Variants in FER observed in about 807,000 individuals in gnomAD.
FER encodes FER tyrosine kinase.
FER carries 63 observed loss-of-function variants against 111.0 expected under a neutral mutation model. That is an observed-to-expected ratio of 0.57 (90% CI 0.46 to 0.70). FER has a LOEUF of 0.70. Among genes scored for constraint, FER ranks in the 30% least tolerant of loss-of-function variants. The probability of loss-of-function intolerance (pLI) is 0.00; values close to 1 mark genes in which losing one functional copy is unlikely to be tolerated. For synonymous variants in FER, 327 were observed against 313.9 expected, an observed-to-expected ratio of 1.04 and a Z score of -0.44; for missense variants, 914 against 954.0, an observed-to-expected ratio of 0.96 and a Z score of 0.55.
At chr5:109,156,303 T>G (rs1050853703) in intron 17 of FER, among the ~76,000 whole-genome samples, 1 of 151,994 alleles carries the variant, frequency 6.6e-6, no homozygotes, top group African/African-American at 2.4e-5. Flanking sequence ...GGTTTTTCAT[T>G]AATAGAATGT....
chr5:109,006,823 T>TG (rs1203491760), intron 13 of FER, among the ~76,000 whole-genome samples: 2 of 151,830 alleles, frequency 1.3e-5, no homozygotes, highest in Non-Finnish European at 2.9e-5. Context: ...GCTCATATGG[T>TG]GGGGGGAAAA....
At chr5:108,772,306 A>G (rs1014150022) in intron 2 of FER, among the ~76,000 whole-genome samples, 2 of 145,490 alleles carry the variant, frequency 1.4e-5, no homozygotes, top group African/African-American at 5.3e-5. Flanking sequence ...CTGTTATGCC[A>G]TATATATATG....
chr5:108,795,167 A>AT (rs957582979), intron 2 of FER, among the ~76,000 whole-genome samples: 24 of 152,272 alleles, frequency 1.6e-4, no homozygotes, highest in Admixed American at 1.5e-3. Flanking sequence ...TTACAAAAAA[A>AT]TTTTAAAATT....
chr5:108,996,144 G>A (rs1369908172), intron 13 of FER, among the ~76,000 whole-genome samples: 1 of 151,936 alleles, frequency 6.6e-6, no homozygotes, highest in African/African-American at 2.4e-5. Flanking sequence ...TTAATTCATT[G>A]TAGATTCTGG....
intron 2 of FER, among the ~76,000 whole-genome samples, chr5:108,779,762 G>T (rs183936572): frequency 6.6e-6 from 1 of 151,972 alleles, no homozygotes. Context: ...TATTTTTTCC[G>T]ATCAGTACAC....
intron 5 of FER, among the ~76,000 whole-genome samples, chr5:108,866,994 A>T (rs1318036247): frequency 2.6e-5 from 4 of 152,032 alleles, no homozygotes; most frequent in East Asian, 1.9e-4. Flanking sequence ...TCTCTGCTTG[A>T]TTTTCAAGTC....
intron 10 of FER, among the ~76,000 whole-genome samples, chr5:108,919,239 G>GATCTTGTAAT (rs1207376082): frequency 6.6e-6 from 1 of 150,584 alleles, no homozygotes; most frequent in Non-Finnish European, 1.5e-5. Context: ...ATCAGAGTTG[G>GATCTTGTAAT]ATCTTGTAAT....
chr5:108,852,831 T>A (rs1389922940), intron 5 of FER, among the ~76,000 whole-genome samples: 1 of 152,196 alleles, frequency 6.6e-6, no homozygotes, highest in East Asian at 1.9e-4. Context: ...TTAGCTTTAA[T>A]TTGCATTGGT....
chr5:108,790,599 T>C (rs1262801436), intron 2 of FER, among the ~76,000 whole-genome samples: 2 of 152,276 alleles, frequency 1.3e-5, no homozygotes, highest in African/African-American at 4.8e-5. Context: ...AAGCTTATGC[T>C]AACTGATCTT....
In FER at chr5:109,190,705, GAGGTCTCCAGTGAA is replaced by G. The variant is rs1454053505; in HGVS notation, c.*3138_*3151del. 3 of 152,162 alleles carry G rather than the reference GAGGTCTCCAGTGAA, an allele frequency of 2.0e-5. No homozygotes were observed. Among genetic ancestry groups the G allele is most frequent in the South Asian group, 2.1e-4 (1 of 4,832 alleles). 9.4% of individuals were successfully genotyped at this position (152,162 alleles called of 1,614,324 possible). The stretch of plus-strand genomic sequence containing the variant: ...TGTCCTGCCATGAGGTCTCCAGTGA[GAGGTCTCCAGTGAA>G]AGGTCTCATGTAATTGTTTCTCTTT... On this transcript the variant is annotated 3_prime_UTR_variant, in exon 20 of 20. Transcript: ENST00000281092.
At chr5:108,810,124 T>G (rs367755228) in intron 3 of FER, among the ~76,000 whole-genome samples, 2 of 152,332 alleles carry the variant, frequency 1.3e-5, no homozygotes, top group African/African-American at 4.8e-5. Context: ...TCCTTTCCCC[T>G]CCTTCCTAGG....
At chr5:108,787,623 A>G (rs979566064) in intron 2 of FER, among the ~76,000 whole-genome samples, 8 of 152,194 alleles carry the variant, frequency 5.3e-5, no homozygotes, top group African/African-American at 9.7e-5. Context: ...CAGTTCCCTG[A>G]TTCTGAGCAC....
intron 17 of FER, among the ~76,000 whole-genome samples, chr5:109,154,337 T>TTA (rs1234209901): frequency 4.6e-5 from 7 of 152,086 alleles, no homozygotes; most frequent in African/African-American, 1.7e-4. Context: ...TTTGAGAACA[T>TTA]TAAATGGAAG....
At chr5:109,013,491 T>G (rs1766597259) in intron 13 of FER, among the ~76,000 whole-genome samples, 1 of 151,460 alleles carries the variant, frequency 6.6e-6, no homozygotes, top group Non-Finnish European at 1.5e-5. Context: ...GTTGGACATT[T>G]GGGTTGGTTC....
rs149756712 is a variant in FER at position 109,185,501 on chromosome 5, C to T, written c.2204-699C>T. Among the ~76,000 whole-genome samples the T allele has an allele frequency of 5.3e-5, 8 of 152,158 alleles. No individual in the cohort carries two copies. The East Asian group carries it at 1.4e-3, about 26-fold the overall frequency. On this transcript the variant is annotated intron_variant, in intron 18 of 19. Transcript: ENST00000281092. ...AAACGAAGTAGGCGTAAGACAAAAT[C>T]GCAGGAATCCAACTTGGTTAATCTC...
intron 13 of FER, among the ~76,000 whole-genome samples, chr5:108,984,335 A>G (rs996945125): frequency 1.3e-5 from 2 of 152,138 alleles, no homozygotes; most frequent in African/African-American, 4.8e-5. Context: ...AGTCAAGTTA[A>G]TAATAGCTCA....
chr5:109,044,501 C>G (rs972093775), intron 14 of FER, among the ~76,000 whole-genome samples, 179 bp from the exon 15 acceptor site: 1 of 152,046 alleles, frequency 6.6e-6, no homozygotes, highest in African/African-American at 2.4e-5. Flanking sequence ...TTTTATACCA[C>G]AATATGTCCT....
intron 10 of FER, among the ~76,000 whole-genome samples, chr5:108,899,313 A>C (rs1220325901): frequency 6.6e-6 from 1 of 152,160 alleles, no homozygotes; most frequent in Non-Finnish European, 1.5e-5. Flanking sequence ...CAGCACATGT[A>C]CCAAGGACCC....
intron 16 of FER, among the ~76,000 whole-genome samples, chr5:109,089,047 G>A (rs2150038665): frequency 6.6e-6 from 1 of 152,288 alleles, no homozygotes; most frequent in East Asian, 1.9e-4. Flanking sequence ...CCTAAAGAGT[G>A]AAAATGGCAG....
Sources: allele counts gnomAD v4.1 joint callset (sites outside exome capture counted in the v4.1 genomes callset), GRCh38; gene constraint gnomAD v4.1.1; transcripts MANE v1.5; gene names NCBI Gene and HGNC (gene_info 2026-07-23, HGNC 2026-07-21).